The following STRAP variants were observed in gnomAD, a reference collection of about 807,000 sequenced individuals.
The protein encoded by STRAP is serine/threonine kinase receptor associated protein, also known as serine-threonine kinase receptor-associated protein.
STRAP carries 16 observed loss-of-function variants against 47.0 expected under a neutral mutation model. That is an observed-to-expected ratio of 0.34 (90% CI 0.23 to 0.52). The LOEUF is 0.52. Ranked by LOEUF, STRAP falls within the 20% of genes least tolerant of loss-of-function variation. The pLI, the probability that STRAP is intolerant of heterozygous loss-of-function variation, is 0.96. For synonymous variants in STRAP, 130 were observed against 142.7 expected, an observed-to-expected ratio of 0.91 and a Z score of 0.63; for missense variants, 293 against 420.0, an observed-to-expected ratio of 0.70 and a Z score of 2.64.
chr12:15,897,137 A>G (rs1948065894), intron 6 of STRAP, among the ~76,000 whole-genome samples: 1 of 152,224 alleles, frequency 6.6e-6, no homozygotes, highest in African/African-American at 2.4e-5. Flanking sequence ...GTGATCCTGC[A>G]TAAGTCATGA....
At position 15,899,938 on chromosome 12, in the gene STRAP, T is replaced by C. The variant is rs1460310935; in HGVS notation, c.810T>C (p.Cys270=). Residue 270 remains cysteine (C), a synonymous_variant, in exon 8 of 10, where the codon TGT becomes TGC. Coordinates refer to ENST00000419869, the MANE Select transcript of STRAP (RefSeq NM_007178.4). ...SYKGHFGPIH[C]VRFSPDGELY... is the part of the protein sequence containing the mutation. ...AGGGACACTTTGGTCCTATTCACTG[T>C]GTGAGATTTAGTCCTGATGGAGAAC... is the stretch of plus-strand genomic sequence containing the variant. 6.2e-7 allele frequency: 1 copy of C among 1,613,450 alleles called. No homozygotes were observed.
chr12:15,884,021 G>A (rs1947946649), intron 2 of STRAP, among the ~76,000 whole-genome samples: 1 of 152,060 alleles, frequency 6.6e-6, no homozygotes, highest in Admixed American at 6.5e-5. Context: ...GATGGCCCTA[G>A]GTTTTTATTT....
chr12:15,885,571 T>TA (rs1405694081), intron 2 of STRAP, among the ~76,000 whole-genome samples: 1 of 148,650 alleles, frequency 6.7e-6, no homozygotes, highest in African/African-American at 2.5e-5. Context: ...ACATTAAACA[T>TA]ACCAATTTTA....
At chr12:15,902,512 C>T (rs976061751) in intron 9 of STRAP, among the ~76,000 whole-genome samples, 1 of 152,116 alleles carries the variant, frequency 6.6e-6, no homozygotes, top group Non-Finnish European at 1.5e-5. Flanking sequence ...CACCTTCTTG[C>T]TAAAACAATG....
chr12:15,900,430 T>C (rs1161348908), intron 8 of STRAP, among the ~76,000 whole-genome samples: 1 of 151,512 alleles, frequency 6.6e-6, no homozygotes, highest in African/African-American at 2.4e-5. Flanking sequence ...CTCAGGAGGC[T>C]GAGGCACGAG....
chr12:15,883,893 T>C (rs1403600012), intron 2 of STRAP, among the ~76,000 whole-genome samples: 1 of 152,252 alleles, frequency 6.6e-6, no homozygotes, highest in East Asian at 1.9e-4. Flanking sequence ...CTAAATGACT[T>C]ATTCCGTATA....
rs948540982 is a variant in STRAP, at chr12:15,882,410, G to T, written c.-298G>T. 4.3e-6 allele frequency: 2 copies of T among 470,440 alleles called. No individual in the cohort carries two copies. The highest frequency in any genetic ancestry group is 7.7e-6 in the Non-Finnish European group (2 of 259,172). The allele number at this position is 470,440 out of a possible 1,614,324, so 29.1% of individuals were successfully genotyped here. On this transcript the variant is annotated 5_prime_UTR_variant, in exon 1 of 10. Coordinates refer to ENST00000419869, the MANE Select transcript of STRAP (RefSeq NM_007178.4). ...TACGTCGTCACTTCCTGCCGATGCC[G>T]GTGTGGACGCTGTGAATCGTGGCTG...
In STRAP at chr12:15,890,604, ATTAT is replaced by A; in HGVS notation, c.341_344del (p.Tyr114CysfsTer2). On this transcript the variant is annotated frameshift_variant, in exon 4 of 10. Transcript: ENST00000419869. LOFTEE classifies it high-confidence loss of function. The surrounding 1 kb of genome is among the most constrained non-coding windows in gnomAD (Gnocchi z 4.5). ...TTTACTTTGTGTTTTCAGGATAGTAATTATTTGTTAACCGGGGGACAGGATAAAC... is the reference window on the plus strand; with the variant it reads ...TTTACTTTGTGTTTTCAGGATAGTAATTGTTAACCGGGGGACAGGATAAAC... The A allele has an allele frequency of 6.2e-7, 1 of 1,610,920 alleles. No homozygotes were observed.
intron 2 of STRAP, among the ~76,000 whole-genome samples, chr12:15,888,905 G>A (rs1021431330): frequency 6.6e-6 from 1 of 151,978 alleles, no homozygotes; most frequent in African/African-American, 2.4e-5. Flanking sequence ...TTATGTATTG[G>A]GGTAAGCAAA....
chr12:15,886,276 A>G (rs895954518), intron 2 of STRAP, among the ~76,000 whole-genome samples: 2 of 151,186 alleles, frequency 1.3e-5, no homozygotes, highest in Admixed American at 6.6e-5. Context: ...TGCAGCCTCT[A>G]TCTCCCAGTC....
At chr12:15,901,791 G>A (rs564249489) in intron 9 of STRAP, among the ~76,000 whole-genome samples, 2 of 150,262 alleles carry the variant, frequency 1.3e-5, no homozygotes, top group Non-Finnish European at 3.0e-5. Context: ...AACCCAGGAG[G>A]TAGAGGTTGC....
chr12:15,903,029 G>T lies in STRAP; in HGVS notation c.*51G>T. 3 of 1,445,016 alleles carry T rather than the reference G, an allele frequency of 2.1e-6. No individual in the cohort carries two copies. Among genetic ancestry groups the T allele is most frequent in the South Asian group, 3.0e-5 (2 of 67,454 alleles). 89.5% of individuals were successfully genotyped at this position (1,445,016 alleles called of 1,614,324 possible). ...TACAACTGACTAAAACAAGCAAGCA[G>T]AGAAAAGCATCAGCCTTCCAGAGTT... On this transcript the variant is annotated 3_prime_UTR_variant, in exon 10 of 10. Coordinates refer to ENST00000419869, the MANE Select transcript of STRAP (RefSeq NM_007178.4).
At position 15,890,106 on chromosome 12, in the gene STRAP, G is replaced by A. The variant is rs1286964555; in HGVS notation, c.330+97G>A. ...ATTGGTGTGTATATTTGATTGATAT[G>A]TTTTGTGTGGAATATTTGTTATTTC... On this transcript the variant is annotated intron_variant, in intron 3 of 9. Transcript: ENST00000419869. This position sits in a 1 kb window ranked among gnomAD's most constrained non-coding sequence, Gnocchi z 4.5. The A allele has an allele frequency of 1.0e-5, 11 of 1,049,920 alleles. No homozygotes were observed. The highest frequency in any genetic ancestry group is 2.1e-4 in the Middle Eastern group (1 of 4,726). 65.0% of individuals were successfully genotyped at this position (1,049,920 alleles called of 1,614,324 possible).
chr12:15,898,904 C>T (rs1239603333), intron 7 of STRAP, among the ~76,000 whole-genome samples: 1 of 152,174 alleles, frequency 6.6e-6, no homozygotes, highest in Non-Finnish European at 1.5e-5. Context: ...AACATTGATG[C>T]ATCTGGGTTG....
chr12:15,893,421 T>TA (rs1948033287), intron 4 of STRAP, among the ~76,000 whole-genome samples: 1 of 147,396 alleles, frequency 6.8e-6, no homozygotes, highest in South Asian at 2.1e-4. Context: ...AAATACTTTT[T>TA]ATTATATATA....
intron 4 of STRAP, among the ~76,000 whole-genome samples, chr12:15,892,418 C>T (rs1180801108): frequency 6.6e-6 from 1 of 151,974 alleles, no homozygotes; most frequent in Non-Finnish European, 1.5e-5. Flanking sequence ...AATAATTTCC[C>T]TCACCATATA....
In STRAP at chr12:15,890,567, A is replaced by T. The variant is rs151146546; in HGVS notation, c.331-30A>T. On this transcript the variant is annotated intron_variant, in intron 3 of 9. Coordinates refer to ENST00000419869, the MANE Select transcript of STRAP (RefSeq NM_007178.4). This position sits in a 1 kb window ranked among gnomAD's most constrained non-coding sequence, Gnocchi z 4.5. ...AGAGAAATAACTATTAAAATGGTTA[A>T]TCTATTCACATTTTACTTTGTGTTT... 35 of 1,526,242 alleles carry T rather than the reference A, an allele frequency of 2.3e-5. No individual in the cohort carries two copies. In the African/African-American group the frequency reaches 4.6e-4, roughly 20 times the overall value. 94.5% of individuals were successfully genotyped at this position (1,526,242 alleles called of 1,614,324 possible). A position where few individuals can be genotyped will look rare whatever the true frequency, so the allele number is the denominator to read the frequency against.
At chr12:15,888,064 A>G (rs2136108601) in intron 2 of STRAP, among the ~76,000 whole-genome samples, 1 of 152,334 alleles carries the variant, frequency 6.6e-6, no homozygotes, top group East Asian at 1.9e-4. Flanking sequence ...ATATATGTAA[A>G]CAAAAAACAA....
intron 9 of STRAP, among the ~76,000 whole-genome samples, chr12:15,902,251 C>A (rs547283871): frequency 1.3e-5 from 2 of 152,072 alleles, no homozygotes; most frequent in Admixed American, 1.3e-4. Flanking sequence ...GGATTACAGG[C>A]GTGAGCCACT....
Sources: allele counts gnomAD v4.1 joint callset (sites outside exome capture counted in the v4.1 genomes callset), GRCh38; gene constraint gnomAD v4.1.1; non-coding constraint Gnocchi (gnomAD v3.1); transcripts MANE v1.5; gene names NCBI Gene and HGNC (gene_info 2026-07-23, HGNC 2026-07-21).